The following DRC8 variants were observed in gnomAD, a reference collection of about 807,000 sequenced individuals.
The protein encoded by DRC8 is dynein regulatory complex protein 8.
At chr1:245,059,370 A>T in the DRC8 span, 1 of 1,590,588 alleles carries the variant, frequency 6.3e-7, no homozygotes, top group Non-Finnish European at 8.6e-7. Context: ...ACCATTGAAA[A>T]CTTTTTTTTT....
At chr1:245,116,384 C>T in the DRC8 span, among the ~76,000 whole-genome samples, 1 of 152,084 alleles carries the variant, frequency 6.6e-6, no homozygotes, top group Admixed American at 6.6e-5. Flanking sequence ...TGAGACCTTG[C>T]CTCTTAAAAA....
At chr1:245,099,076 C>T in the DRC8 span, among the ~76,000 whole-genome samples, 1 of 152,154 alleles carries the variant, frequency 6.6e-6, no homozygotes, top group African/African-American at 2.4e-5. Context: ...CCCTTACTGG[C>T]CAGTCATAAT....
At chr1:245,002,311 CAGTTA>C in the DRC8 span, 3 of 1,185,840 alleles carry the variant, frequency 2.5e-6, no homozygotes, top group Admixed American at 2.0e-5. Context: ...TGCTTCCTTC[CAGTTA>C]AGTTATCCTC....
chr1:245,116,851 A>G, the DRC8 span, among the ~76,000 whole-genome samples: 1 of 152,152 alleles, frequency 6.6e-6, no homozygotes, highest in Admixed American at 6.5e-5. Context: ...GTAGTACAAA[A>G]TATTTTGTTT....
the DRC8 span, among the ~76,000 whole-genome samples, chr1:245,014,364 G>A: frequency 6.6e-6 from 1 of 152,132 alleles, no homozygotes; most frequent in Non-Finnish European, 1.5e-5. Flanking sequence ...ATAGAAAACA[G>A]AGATGGTAAA....
At chr1:245,049,611 A>G in the DRC8 span, among the ~76,000 whole-genome samples, 1 of 152,152 alleles carries the variant, frequency 6.6e-6, no homozygotes, top group African/African-American at 2.4e-5. This position sits in a 1 kb window ranked among gnomAD's most constrained non-coding sequence, Gnocchi z 4.5. Flanking sequence ...AGAAAAAATC[A>G]TCAACAACAA....
chr1:245,110,240 C>T, the DRC8 span, among the ~76,000 whole-genome samples: 41 of 152,166 alleles, frequency 2.7e-4, no homozygotes, highest in Non-Finnish European at 4.7e-4. Flanking sequence ...AAAAATCAGT[C>T]GAGCATGGTG....
the DRC8 span, among the ~76,000 whole-genome samples, chr1:245,092,561 C>G: frequency 4.9e-4 from 75 of 152,350 alleles, no homozygotes; most frequent in African/African-American, 1.8e-3. Flanking sequence ...CAATCATCTG[C>G]TTCAGGAGCA....
the DRC8 span, among the ~76,000 whole-genome samples, chr1:244,973,704 T>C: frequency 1.3e-5 from 2 of 152,194 alleles, no homozygotes; most frequent in South Asian, 2.1e-4. Flanking sequence ...ATTGTAGAAA[T>C]ACACATATGT....
the DRC8 span, among the ~76,000 whole-genome samples, chr1:245,004,043 T>C: frequency 5.3e-5 from 8 of 151,762 alleles, no homozygotes; most frequent in Admixed American, 5.3e-4. Context: ...AATCAAACAA[T>C]ATTTTACTCG....
At chr1:245,096,470 G>T in the DRC8 span, among the ~76,000 whole-genome samples, 3 of 152,238 alleles carry the variant, frequency 2.0e-5, no homozygotes, top group Non-Finnish European at 4.4e-5. Flanking sequence ...CTCACCATGT[G>T]CCAGACACTG....
the DRC8 span, among the ~76,000 whole-genome samples, chr1:245,035,698 T>C: frequency 0.36 from 55,182 of 151,588 alleles, 10,366 homozygotes; most frequent in African/African-American, 0.47. Context: ...GAAACCCCAT[T>C]TCTACTAAAC....
the DRC8 span, among the ~76,000 whole-genome samples, chr1:245,018,843 A>G: frequency 6.6e-6 from 1 of 152,182 alleles, no homozygotes; most frequent in Non-Finnish European, 1.5e-5. Flanking sequence ...AAGGGTTGGC[A>G]TCTCCGGTTT....
At chr1:245,013,234 G>A in the DRC8 span, among the ~76,000 whole-genome samples, 1 of 152,138 alleles carries the variant, frequency 6.6e-6, no homozygotes, top group Non-Finnish European at 1.5e-5. Context: ...GAGAAAAAGG[G>A]TGATTTTTCT....
At chr1:245,086,995 T>C in the DRC8 span, 3 of 573,878 alleles carry the variant, frequency 5.2e-6, no homozygotes, top group Non-Finnish European at 9.5e-6. Context: ...TTGCCTGAAA[T>C]GACGTGTTCT....
chr1:245,014,721 C>T, the DRC8 span, among the ~76,000 whole-genome samples: 1 of 152,104 alleles, frequency 6.6e-6, no homozygotes, highest in South Asian at 2.1e-4. Context: ...GATCTGAGTT[C>T]AGTCCAGCTC....
the DRC8 span, among the ~76,000 whole-genome samples, chr1:245,110,274 C>G: frequency 6.6e-6 from 1 of 152,176 alleles, no homozygotes; most frequent in East Asian, 1.9e-4. Context: ...GTCCCAGCTA[C>G]TCAGAGAGCT....
the DRC8 span, among the ~76,000 whole-genome samples, chr1:245,066,997 A>C: frequency 2.0e-5 from 3 of 152,222 alleles, no homozygotes; most frequent in Non-Finnish European, 4.4e-5. Context: ...ATCCGATATT[A>C]TAATACATCA....
chr1:244,981,323 TG>T, the DRC8 span, among the ~76,000 whole-genome samples: 30 of 152,182 alleles, frequency 2.0e-4, 1 homozygote, highest in East Asian at 5.6e-3. Flanking sequence ...TGCAAAATCA[TG>T]GGAAAATGAG....
Sources: allele counts gnomAD v4.1 joint callset (sites outside exome capture counted in the v4.1 genomes callset), GRCh38; gene constraint gnomAD v4.1.1; non-coding constraint Gnocchi (gnomAD v3.1); transcripts MANE v1.5; gene names NCBI Gene and HGNC (gene_info 2026-07-23, HGNC 2026-07-21).